NKAIN2: variants seen among roughly 807,000 people sequenced by gnomAD.
NKAIN2 encodes the protein sodium/potassium transporting ATPase interacting 2, also known as sodium/potassium-transporting ATPase subunit beta-1-interacting protein 2.
In NKAIN2, 14 loss-of-function variants were observed where a neutral mutation model predicts 32.6. That is an observed-to-expected ratio of 0.43 (90% confidence interval 0.28 to 0.67). The LOEUF (loss-of-function observed/expected upper bound fraction) is 0.67. Among genes scored for constraint, NKAIN2 ranks in the 30% least tolerant of loss-of-function variants. The pLI is 0.17. For missense variants in NKAIN2, 198 were observed against 258.3 expected (o/e 0.77, Z 1.60); for synonymous variants, 80 against 87.2 (o/e 0.92, Z 0.46).
At chr6:124,406,854 C>G (rs1275677659) in intron 3 of NKAIN2, among the ~76,000 whole-genome samples, 1 of 152,096 alleles carries the variant, frequency 6.6e-6, no homozygotes, top group African/African-American at 2.4e-5. Context: ...TCAAGTGCTA[C>G]TTTCCATCTA....
intron 3 of NKAIN2, among the ~76,000 whole-genome samples, chr6:124,612,313 T>G (rs944687731): frequency 6.6e-6 from 1 of 152,086 alleles, no homozygotes; most frequent in African/African-American, 2.4e-5. Context: ...AATAAAAACA[T>G]AAAGCCTCCT....
rs1554210276 is a variant in NKAIN2 at position 124,453,355 on chromosome 6, A to ACACAAG, written c.273+98012_273+98013insAGCACA. Reference sequence around the variant, plus strand: ...CACACACACACACACACACACACACACACACACACACACAGTTCTGAGGTC... The same window carrying ACACAAG: ...CACACACACACACACACACACACACACACAAGCACACACACACACAGTTCTGAGGTC... On this transcript the variant is annotated intron_variant, in intron 3 of 6. Transcript: ENST00000368417. 4.4e-5 allele frequency among the ~76,000 whole-genome samples: 6 copies of ACACAAG among 136,676 alleles called. 1 individual carries two copies. The highest frequency in any genetic ancestry group is 7.9e-5 in the Non-Finnish European group (5 of 63,596). 89.7% of individuals were successfully genotyped at this position (136,676 alleles called of 152,430 possible).
chr6:124,048,580 C>G (rs1782253672), intron 1 of NKAIN2, among the ~76,000 whole-genome samples: 1 of 151,296 alleles, frequency 6.6e-6, no homozygotes, highest in Non-Finnish European at 1.5e-5. Context: ...TCAATCTTTT[C>G]TTCCAATAGA....
intron 4 of NKAIN2, among the ~76,000 whole-genome samples, chr6:124,764,868 CA>C (rs113450871): frequency 2.7e-5 from 4 of 149,244 alleles, no homozygotes; most frequent in African/African-American, 4.9e-5. Context: ...AATGTTAATG[CA>C]AAAAAAAACC....
At chr6:124,483,101 GAC>G (rs1158624533) in intron 3 of NKAIN2, among the ~76,000 whole-genome samples, 1 of 151,774 alleles carries the variant, frequency 6.6e-6, no homozygotes, top group African/African-American at 2.4e-5. Context: ...CAGCCTGGAC[GAC>G]AGAGACTGTG....
intron 1 of NKAIN2, among the ~76,000 whole-genome samples, chr6:124,065,975 A>G (rs758600597): frequency 6.6e-6 from 1 of 152,170 alleles, no homozygotes; most frequent in Admixed American, 6.5e-5. Flanking sequence ...TCTCAAGTGC[A>G]TGAATGTCTA....
intron 1 of NKAIN2, among the ~76,000 whole-genome samples, chr6:124,040,086 T>C (rs1781798973): frequency 6.6e-6 from 1 of 152,030 alleles, no homozygotes; most frequent in African/African-American, 2.4e-5. Context: ...TATCCAGACC[T>C]AGCTAGAGTT....
At chr6:124,521,050 A>AT (rs1779099596) in intron 3 of NKAIN2, among the ~76,000 whole-genome samples, 1 of 151,982 alleles carries the variant, frequency 6.6e-6, no homozygotes, top group African/African-American at 2.4e-5. Context: ...ACCCTGTGGG[A>AT]TTTTCCTTGT....
chr6:124,186,870 T>G (rs1034376716), intron 1 of NKAIN2, among the ~76,000 whole-genome samples: 1 of 152,196 alleles, frequency 6.6e-6, no homozygotes, highest in Non-Finnish European at 1.5e-5. Flanking sequence ...ATTTCAGAAT[T>G]ATTCTCTTAA....
intron 1 of NKAIN2, among the ~76,000 whole-genome samples, chr6:124,107,303 A>C (rs1226621520): frequency 6.6e-6 from 1 of 152,202 alleles, no homozygotes; most frequent in African/African-American, 2.4e-5. Flanking sequence ...CAAAGGTGTT[A>C]CATGACTTTA....
chr6:124,401,341 A>C (rs1773616771), intron 3 of NKAIN2, among the ~76,000 whole-genome samples: 1 of 152,138 alleles, frequency 6.6e-6, no homozygotes, highest in Non-Finnish European at 1.5e-5. Flanking sequence ...GCTGCTCTAC[A>C]TCAGGAGTCT....
chr6:124,017,242 GC>G (rs1562310619), intron 1 of NKAIN2, among the ~76,000 whole-genome samples: 1 of 151,940 alleles, frequency 6.6e-6, no homozygotes, highest in Non-Finnish European at 1.5e-5. Flanking sequence ...GGAAAGACCC[GC>G]CCCCGTGATT....
At chr6:124,403,546 G>C (rs1773719225) in intron 3 of NKAIN2, among the ~76,000 whole-genome samples, 1 of 152,106 alleles carries the variant, frequency 6.6e-6, no homozygotes, top group South Asian at 2.1e-4. Flanking sequence ...AAGTATTGTA[G>C]TGGCAATGAT....
At chr6:124,265,606 A>G (rs189512018) in intron 1 of NKAIN2, among the ~76,000 whole-genome samples, 2 of 152,332 alleles carry the variant, frequency 1.3e-5, no homozygotes, top group Admixed American at 6.5e-5. Context: ...TTATTTTCCT[A>G]CAGAAAAACC....
At chr6:124,746,829 A>G (rs1777475116) in intron 4 of NKAIN2, among the ~76,000 whole-genome samples, 1 of 151,882 alleles carries the variant, frequency 6.6e-6, no homozygotes, top group Non-Finnish European at 1.5e-5. Context: ...GCTTCATCTT[A>G]CAGAGTCTCA....
At chr6:124,408,964 G>T (rs988073395) in intron 3 of NKAIN2, among the ~76,000 whole-genome samples, 13 of 152,136 alleles carry the variant, frequency 8.5e-5, no homozygotes, top group Non-Finnish European at 1.2e-4. Context: ...AAGCAATTGT[G>T]AATGGGAGTT....
rs565379048 is a variant in NKAIN2 at position 123,908,260 on chromosome 6, A to C, written c.54+104006A>C. On this transcript the variant is annotated intron_variant, in intron 1 of 6. Transcript: ENST00000368417. ...TAATAATAATAAAAATCTGAGTCTC[A>C]GAATTGGTGAAATATACCTCCTTAA... Among the ~76,000 whole-genome samples, 4 of 152,266 alleles carry C rather than the reference A, an allele frequency of 2.6e-5. No homozygotes were observed. The South Asian group carries it at 8.3e-4, about 32-fold the overall frequency.
intron 4 of NKAIN2, among the ~76,000 whole-genome samples, chr6:124,784,596 A>G (rs1779419172): frequency 6.6e-6 from 1 of 152,090 alleles, no homozygotes; most frequent in Non-Finnish European, 1.5e-5. Flanking sequence ...ATTTCATGGT[A>G]TGGGTATACC....
At chr6:124,408,375 G>A (rs62436302) in intron 3 of NKAIN2, among the ~76,000 whole-genome samples, 6,800 of 152,108 alleles carry the variant, frequency 0.045, 256 homozygotes, top group Non-Finnish European at 0.065. Flanking sequence ...ATTTTTGTAT[G>A]AGGTGTAAGG....
Sources: allele counts gnomAD v4.1 joint callset (sites outside exome capture counted in the v4.1 genomes callset), GRCh38; gene constraint gnomAD v4.1.1; transcripts MANE v1.5; gene names NCBI Gene and HGNC (gene_info 2026-07-23, HGNC 2026-07-21).